Variants in PRPF38A observed in about 807,000 individuals in gnomAD.
The protein encoded by PRPF38A is pre-mRNA-splicing factor 38A.
A neutral mutation model predicts 46.8 loss-of-function variants in PRPF38A; 11 were observed. That is an observed-to-expected ratio of 0.24 (90% confidence interval 0.15 to 0.39). The LOEUF is 0.39. Ranked by LOEUF, PRPF38A falls within the 10% of genes least tolerant of loss-of-function variation. The pLI is 1.00. For synonymous variants in PRPF38A, 124 were observed against 136.2 expected (o/e 0.91, Z 0.62); for missense variants, 261 against 407.5 (o/e 0.64, Z 3.10).
chr1:52,410,739 T>G (rs1305200180), intron 3 of PRPF38A, among the ~76,000 whole-genome samples: 1 of 152,190 alleles, frequency 6.6e-6, no homozygotes, highest in Non-Finnish European at 1.5e-5. Flanking sequence ...TAACCTCAAG[T>G]GATCTGCCTG....
At chr1:52,409,583 C>G (rs1204729021) in intron 3 of PRPF38A, 2 of 152,160 alleles carry the variant, frequency 1.3e-5, no homozygotes, top group Non-Finnish European at 2.9e-5. Flanking sequence ...GTATTCCAGC[C>G]TGGGCGACAG....
chr1:52,404,746 TA>T lies in PRPF38A; in HGVS notation c.1del, dbSNP rs749399789. ...GACGGAAATAGAATTGAAGGCATTC[TA>T]AAATGGCTAACCGTACAGTGAAGGA... is the stretch of plus-strand genomic sequence containing the variant. On this transcript the variant is annotated 5_prime_UTR_variant, in exon 1 of 10. Coordinates refer to ENST00000257181, the MANE Select transcript of PRPF38A (RefSeq NM_032864.4). 5.6e-6 allele frequency: 9 copies of T among 1,612,452 alleles called. No individual in the cohort carries two copies. The highest frequency in any genetic ancestry group is 7.6e-6 in the Non-Finnish European group (9 of 1,179,420).
intron 2 of PRPF38A, among the ~76,000 whole-genome samples, chr1:52,407,105 C>A (rs1648018519): frequency 6.6e-6 from 1 of 152,192 alleles, no homozygotes; most frequent in Admixed American, 6.5e-5. Flanking sequence ...GCAAGCTCGG[C>A]CTCCTGGGTT....
chr1:52,405,241 A>G (rs1647944907), intron 1 of PRPF38A, among the ~76,000 whole-genome samples: 1 of 152,232 alleles, frequency 6.6e-6, no homozygotes, highest in African/African-American at 2.4e-5. Flanking sequence ...AACCAAATTC[A>G]TGATCTTACT....
At position 52,414,908 on chromosome 1, in the gene PRPF38A, A is replaced by G. The variant is rs78979134; in HGVS notation, c.847+49A>G. 1,757 of 1,575,478 alleles carry G rather than the reference A, an allele frequency of 1.1e-3. 23 individuals carry two copies. In the East Asian group the frequency reaches 0.026, roughly 23 times the overall value. On this transcript the variant is annotated intron_variant, in intron 8 of 9. Coordinates refer to ENST00000257181, the MANE Select transcript of PRPF38A (RefSeq NM_032864.4). ...ACAGGTTGTCTTAACAAAGAAATGT[A>G]AAAGGAGTAGTTAGCCTCCTGCAGT...
intron 2 of PRPF38A, among the ~76,000 whole-genome samples, chr1:52,407,750 G>A (rs561898318): frequency 1.9e-4 from 29 of 151,966 alleles, no homozygotes; most frequent in Middle Eastern, 3.4e-3. Context: ...GGGAAACCCC[G>A]TCTCTACTAA....
intron 8 of PRPF38A, 74 bp downstream of exon 8, chr1:52,414,933 T>A: frequency 7.4e-7 from 1 of 1,356,918 alleles, no homozygotes; most frequent in Admixed American, 1.7e-5. Flanking sequence ...CCTCCTGCAG[T>A]ACAGGAGTGC....
Position 52,404,625 on chromosome 1 carries a change from A to C in PRPF38A, c.-125A>C. ...TTACACTACGGTGTTTCCGGCTTCAAGATGGTCGCCTAAGCTGTTTAGTGA... is the reference window on the plus strand; with the variant it reads ...TTACACTACGGTGTTTCCGGCTTCACGATGGTCGCCTAAGCTGTTTAGTGA... On this transcript the variant is annotated 5_prime_UTR_variant, in exon 1 of 10. Transcript: ENST00000257181. The C allele has an allele frequency of 9.3e-7, 1 of 1,078,144 alleles. No individual in the cohort carries two copies. The highest frequency in any genetic ancestry group is 1.6e-5 in the South Asian group (1 of 62,760). 66.8% of individuals were successfully genotyped at this position (1,078,144 alleles called of 1,614,324 possible).
At chr1:52,404,933 G>T in intron 1 of PRPF38A, 54 bp downstream of exon 1, 2 of 1,596,226 alleles carry the variant, frequency 1.3e-6, no homozygotes, top group South Asian at 1.1e-5. Flanking sequence ...CATTTCTCCT[G>T]ACCGAGCGCG....
At position 52,414,630 on chromosome 1, in the gene PRPF38A, A is replaced by G. The variant is rs1410664266; in HGVS notation, c.732A>G (p.Arg244=). The part of the protein sequence containing the change: ...SRSRSPRRRS[R]SPKRRSPSPR... Reference sequence around the variant, plus strand: ...CCTCTCCTCTTTATAGGCGGAGTCGATCTCCCAAAAGGAGAAGGTAGGCCT... The same window carrying G: ...CCTCTCCTCTTTATAGGCGGAGTCGGTCTCCCAAAAGGAGAAGGTAGGCCT... Residue 244 remains arginine, a synonymous_variant, in exon 7 of 10, where the codon CGA becomes CGG. Coordinates refer to ENST00000257181, the MANE Select transcript of PRPF38A (RefSeq NM_032864.4). 1.2e-6 allele frequency: 2 copies of G among 1,613,748 alleles called. No individual in the cohort carries two copies. Among genetic ancestry groups the G allele is most frequent in the African/African-American group, 1.3e-5 (1 of 75,010 alleles).
chr1:52,414,306 CTG>C (rs1180111311), intron 6 of PRPF38A, among the ~76,000 whole-genome samples: 4 of 152,178 alleles, frequency 2.6e-5, no homozygotes, highest in African/African-American at 9.7e-5. Context: ...TTTCTCTTCT[CTG>C]TGTCATCCTC....
rs191769170 is a variant in PRPF38A, at chr1:52,417,481, T to A, written c.*791T>A. 1.1e-4 allele frequency: 16 copies of A among 152,332 alleles called. No individual in the cohort carries two copies. The highest frequency in any genetic ancestry group is 3.8e-4 in the African/African-American group (16 of 41,574). 9.4% of individuals were successfully genotyped at this position (152,332 alleles called of 1,614,324 possible). On this transcript the variant is annotated 3_prime_UTR_variant, in exon 10 of 10. Transcript: ENST00000257181. ...TAGTCATGGTTTTGACCTAAATTGC[T>A]AGACAGTCGTGCCATTCACAAAGTC...
At chr1:52,415,491 C>A in intron 9 of PRPF38A, 105 bp downstream of exon 9, 1 of 898,448 alleles carries the variant, frequency 1.1e-6, no homozygotes, top group Non-Finnish European at 1.8e-6. Context: ...AATTCTCCTG[C>A]ATTACAAGAC....
At position 52,418,913 on chromosome 1, in the gene PRPF38A, G is replaced by GT. The variant is rs1381626642; in HGVS notation, c.*2225dup. 1 of 152,208 alleles carries GT rather than the reference G, an allele frequency of 6.6e-6. No individual in the cohort carries two copies. The highest frequency in any genetic ancestry group is 2.4e-5 in the African/African-American group (1 of 41,466). The allele number at this position is 152,208 out of a possible 1,614,324, so 9.4% of individuals were successfully genotyped here. A position where few individuals can be genotyped will look rare whatever the true frequency, so the allele number is the denominator to read the frequency against. On this transcript the variant is annotated 3_prime_UTR_variant, in exon 10 of 10. Transcript: ENST00000257181. ...AAGTGAATTCTGGTGTTTCCTACTT[G>GT]TTAACAGTTTTTAATATTGGATGAA...
At position 52,415,967 on chromosome 1, in the gene PRPF38A, C is replaced by G. The variant is rs193118813; in HGVS notation, c.896+581C>G. ...ACGCCATTCTCCTGCCTCAGCTTCT[C>G]GAGTAGCTGGGAATACAGGTGCCCG... On this transcript the variant is annotated intron_variant, in intron 9 of 9. Coordinates refer to ENST00000257181, the MANE Select transcript of PRPF38A (RefSeq NM_032864.4). Among the ~76,000 whole-genome samples the G allele has an allele frequency of 2.6e-3, 387 of 150,098 alleles. 4 individuals carry two copies. Among genetic ancestry groups the G allele is most frequent in the African/African-American group, 9.1e-3 (369 of 40,702 alleles).
At chr1:52,412,808 T>C (rs897255058) in intron 5 of PRPF38A, among the ~76,000 whole-genome samples, 184 bp downstream of exon 5, 6 of 152,176 alleles carry the variant, frequency 3.9e-5, no homozygotes, top group African/African-American at 1.4e-4. Flanking sequence ...AAGACCAGCC[T>C]GGCCAACGTG....
chr1:52,406,829 A>G (rs72666822), intron 2 of PRPF38A, among the ~76,000 whole-genome samples: 68 of 152,286 alleles, frequency 4.5e-4, no homozygotes, highest in Middle Eastern at 3.4e-3. Flanking sequence ...AGGAGAGGAA[A>G]CTGAGGCACA....
rs766971626 is a variant in PRPF38A, at chr1:52,412,682, G to GT, written c.609+64dup. On this transcript the variant is annotated intron_variant, in intron 5 of 9. Transcript: ENST00000257181. ...GAGGGAGTAATAGAAAATGGGAATG[G>GT]TTTTTTGTTTTTAGACTTTAATTTT... 22 of 1,169,840 alleles carry GT rather than the reference G, an allele frequency of 1.9e-5. No individual in the cohort carries two copies. In the Admixed American group the frequency reaches 3.1e-4, roughly 17 times the overall value. 72.5% of individuals were successfully genotyped at this position (1,169,840 alleles called of 1,614,324 possible).
chr1:52,408,177 T>A (rs1349408972), intron 2 of PRPF38A: 1 of 327,766 alleles, frequency 3.1e-6, no homozygotes, highest in Non-Finnish European at 5.9e-6. Flanking sequence ...GAGGCGGAGG[T>A]TGCAGTGAGC....
Sources: allele counts gnomAD v4.1 joint callset (sites outside exome capture counted in the v4.1 genomes callset), GRCh38; gene constraint gnomAD v4.1.1; transcripts MANE v1.5; gene names NCBI Gene and HGNC (gene_info 2026-07-23, HGNC 2026-07-21).